TRPC4: variants seen among roughly 807,000 people sequenced by gnomAD.
TRPC4 encodes the protein short transient receptor potential channel 4.
TRPC4 carries 49 observed loss-of-function variants against 99.4 expected under a neutral mutation model. That is an observed-to-expected ratio of 0.49 (90% CI 0.39 to 0.63). TRPC4 has a LOEUF of 0.63. TRPC4 is among the 20% of genes least tolerant of loss of function. The pLI is 0.00. For synonymous variants in TRPC4, 454 were observed against 425.9 expected, an observed-to-expected ratio of 1.07 and a Z score of -0.81; for missense variants, 898 against 1,152.9, an observed-to-expected ratio of 0.78 and a Z score of 3.20.
chr13:37,654,384 A>T (rs1242584827), intron 7 of TRPC4, among the ~76,000 whole-genome samples: 1 of 152,154 alleles, frequency 6.6e-6, no homozygotes, highest in Non-Finnish European at 1.5e-5. Context: ...TAGTGGTCCT[A>T]GACGTATATC....
At chr13:37,683,999 G>C (rs1953359294) in intron 4 of TRPC4, among the ~76,000 whole-genome samples, 1 of 152,192 alleles carries the variant, frequency 6.6e-6, no homozygotes, top group Non-Finnish European at 1.5e-5. Context: ...TGGCCAAGGA[G>C]AGTGATAGAA....
intron 2 of TRPC4, among the ~76,000 whole-genome samples, chr13:37,778,954 C>T (rs1284330781): frequency 6.6e-6 from 1 of 152,018 alleles, no homozygotes; most frequent in African/African-American, 2.4e-5. Context: ...GCAGCATTAG[C>T]ATTACCTGGG....
At chr13:37,757,779 T>C (rs1956131412) in intron 2 of TRPC4, among the ~76,000 whole-genome samples, 1 of 151,890 alleles carries the variant, frequency 6.6e-6, no homozygotes, top group Non-Finnish European at 1.5e-5. Flanking sequence ...AAGTGAGGCA[T>C]AAACAACCAG....
At chr13:37,655,384 T>TATATATAA (rs1555251584) in intron 6 of TRPC4, 101 bp from the exon 7 acceptor site, 2 of 382,114 alleles carry the variant, frequency 5.2e-6, no homozygotes, top group African/African-American at 2.2e-5. Context: ...TATATATATA[T>TATATATAA]AATTAACTTA....
intron 1 of TRPC4, among the ~76,000 whole-genome samples, chr13:37,865,685 C>G (rs1959695802): frequency 6.6e-6 from 1 of 151,430 alleles, no homozygotes; most frequent in African/African-American, 2.4e-5. Flanking sequence ...ATTTATGAAA[C>G]TTGTTAAAAG....
chr13:37,755,037 ATC>A (rs1186099770), intron 2 of TRPC4, among the ~76,000 whole-genome samples: 1 of 152,098 alleles, frequency 6.6e-6, no homozygotes, highest in Non-Finnish European at 1.5e-5. Context: ...ATAGAAATTT[ATC>A]TCTGTCACTA....
intron 1 of TRPC4, among the ~76,000 whole-genome samples, chr13:37,784,487 C>T (rs1566169217): frequency 1.3e-5 from 2 of 151,948 alleles, no homozygotes. Context: ...AGTATGATTT[C>T]TTTGTTGCTG....
chr13:37,811,210 A>C (rs911105880), intron 1 of TRPC4, among the ~76,000 whole-genome samples: 6 of 152,166 alleles, frequency 3.9e-5, no homozygotes, highest in African/African-American at 1.4e-4. Context: ...AATCTCAATA[A>C]CAAAATTGGC....
At chr13:37,659,345 T>A (rs1952354289) in intron 6 of TRPC4, among the ~76,000 whole-genome samples, 1 of 152,256 alleles carries the variant, frequency 6.6e-6, no homozygotes, top group East Asian at 1.9e-4. Context: ...CTGCTTCCCT[T>A]CACTCTTTTG....
chr13:37,815,022 C>G (rs1194754038), intron 1 of TRPC4, among the ~76,000 whole-genome samples: 1 of 151,548 alleles, frequency 6.6e-6, no homozygotes, highest in African/African-American at 2.4e-5. Flanking sequence ...AAAATAAACC[C>G]TTATGCTTAT....
At chr13:37,812,197 C>CAAAAAAA (rs1156963631) in intron 1 of TRPC4, among the ~76,000 whole-genome samples, 1 of 111,192 alleles carries the variant, frequency 9.0e-6, no homozygotes, top group African/African-American at 3.1e-5. Context: ...AAAAAAAAAC[C>CAAAAAAA]AGGAGATCTA....
intron 3 of TRPC4, among the ~76,000 whole-genome samples, chr13:37,704,678 G>A (rs1239086579): frequency 1.3e-5 from 2 of 152,056 alleles, no homozygotes; most frequent in African/African-American, 4.8e-5. Flanking sequence ...AAACAAGTCT[G>A]TTCCTATTTT....
At chr13:37,868,487 C>G (rs28549256) in intron 1 of TRPC4, among the ~76,000 whole-genome samples, 3 of 151,936 alleles carry the variant, frequency 2.0e-5, no homozygotes, top group Non-Finnish European at 4.4e-5. Flanking sequence ...CACCCCAAAC[C>G]AAAAAACCCT....
chr13:37,864,457 A>G (rs1959604491), intron 1 of TRPC4, among the ~76,000 whole-genome samples: 1 of 151,696 alleles, frequency 6.6e-6, no homozygotes, highest in Non-Finnish European at 1.5e-5. Flanking sequence ...ATAATATGGT[A>G]CTCAATATAT....
chr13:37,646,514 C>G (rs919034419), intron 8 of TRPC4, among the ~76,000 whole-genome samples: 1 of 152,076 alleles, frequency 6.6e-6, no homozygotes, highest in Non-Finnish European at 1.5e-5. Context: ...GGATCGGGAC[C>G]TTTTGAGCAA....
In TRPC4 at chr13:37,741,192, C is replaced by T. The variant is rs183222130; in HGVS notation, c.897+4745G>A. ...ATTGTCAATCATGTAACAAAAACTA[C>T]GGAAGGTCTTTGCTGTAAAAAATAG... On this transcript the variant is annotated intron_variant, in intron 3 of 10. Transcript: ENST00000379705. 3.7e-4 allele frequency among the ~76,000 whole-genome samples: 57 copies of T among 152,204 alleles called. No homozygotes were observed. In the South Asian group the frequency reaches 7.7e-3, roughly 20 times the overall value.
At chr13:37,659,639 A>G (rs1052988951) in intron 6 of TRPC4, among the ~76,000 whole-genome samples, 1 of 152,142 alleles carries the variant, frequency 6.6e-6, no homozygotes, top group African/African-American at 2.4e-5. Context: ...TTAGTTTAGA[A>G]ATATAATTCA....
rs1954820997 is a variant in TRPC4, at chr13:37,720,153, A to G, written c.897+25784T>C. The stretch of plus-strand genomic sequence containing the variant: ...CCAGAAGGAATGCAACCACGCCAAG[A>G]TCTCAATTTTAGCTCAGTGAGACTT... On this transcript the variant is annotated intron_variant, in intron 3 of 10. Transcript: ENST00000379705. Among the ~76,000 whole-genome samples the G allele has an allele frequency of 3.3e-5, 5 of 152,270 alleles. No individual in the cohort carries two copies. The South Asian group carries it at 8.3e-4, about 25-fold the overall frequency.
At chr13:37,676,938 T>C (rs1274407402) in intron 4 of TRPC4, among the ~76,000 whole-genome samples, 1 of 151,580 alleles carries the variant, frequency 6.6e-6, no homozygotes, top group Non-Finnish European at 1.5e-5. Flanking sequence ...TATATATATG[T>C]TATACATATA....
Sources: gnomAD v4.1 joint callset for allele counts (sites outside exome capture counted in the v4.1 genomes callset) on GRCh38, gnomAD v4.1.1 for gene constraint, MANE v1.5 for transcripts, NCBI Gene and HGNC (gene_info 2026-07-23, HGNC 2026-07-21) for gene names.